The following NKAIN2 variants were observed in gnomAD, a reference collection of about 807,000 sequenced individuals.
NKAIN2 encodes the protein sodium/potassium transporting ATPase interacting 2.
Under a neutral mutation model 32.6 loss-of-function variants are expected in NKAIN2, and 14 were observed. That is an observed-to-expected ratio of 0.43 (90% confidence interval 0.28 to 0.67). The LOEUF is 0.67. NKAIN2 is among the 30% of genes least tolerant of loss of function. The probability of loss-of-function intolerance (pLI) is 0.17; values close to 1 mark genes in which losing one functional copy is unlikely to be tolerated. For missense variants in NKAIN2, 198 were observed against 258.3 expected, an observed-to-expected ratio of 0.77 and a Z score of 1.60; for synonymous variants, 80 against 87.2, an observed-to-expected ratio of 0.92 and a Z score of 0.46.
chr6:123,844,854 A>G (rs1482266889), intron 1 of NKAIN2, among the ~76,000 whole-genome samples: 1 of 152,238 alleles, frequency 6.6e-6, no homozygotes, highest in Non-Finnish European at 1.5e-5. Context: ...TTCATCAAGA[A>G]TTATTTCCAA....
intron 2 of NKAIN2, among the ~76,000 whole-genome samples, chr6:124,332,213 G>A (rs1797688632): frequency 6.6e-6 from 1 of 150,748 alleles, no homozygotes; most frequent in African/African-American, 2.4e-5. Flanking sequence ...GCATATATAT[G>A]TGTGTGTGTG....
At chr6:124,200,326 T>C (rs1472856674) in intron 1 of NKAIN2, among the ~76,000 whole-genome samples, 1 of 152,098 alleles carries the variant, frequency 6.6e-6, no homozygotes, top group East Asian at 1.9e-4. Context: ...TAGACATGCA[T>C]CAGTTTGAGG....
At chr6:123,845,014 A>G (rs1479859586) in intron 1 of NKAIN2, among the ~76,000 whole-genome samples, 6 of 152,198 alleles carry the variant, frequency 3.9e-5, no homozygotes, top group African/African-American at 1.2e-4. Context: ...TTGTTTTAAG[A>G]TGTTAATTGG....
intron 1 of NKAIN2, among the ~76,000 whole-genome samples, chr6:124,159,325 T>C (rs1239814683): frequency 1.3e-5 from 2 of 152,194 alleles, no homozygotes; most frequent in African/African-American, 2.4e-5. Flanking sequence ...GAAAATTATT[T>C]TGATTGCGAT....
At chr6:123,874,719 A>G (rs985189873) in intron 1 of NKAIN2, among the ~76,000 whole-genome samples, 2 of 152,120 alleles carry the variant, frequency 1.3e-5, no homozygotes, top group African/African-American at 4.8e-5. Flanking sequence ...ATTGGCCTAT[A>G]AAATATTTTT....
Position 124,105,405 on chromosome 6 carries a change from T to C in NKAIN2, c.55-177600T>C, listed in dbSNP as rs554541278. Reference sequence around the variant, plus strand: ...AGGAGAGCGCCAGCCTCAGTTTTTGTATTAATGGTGGTGGCAGCCCTGCAG... The same window carrying C: ...AGGAGAGCGCCAGCCTCAGTTTTTGCATTAATGGTGGTGGCAGCCCTGCAG... On this transcript the variant is annotated intron_variant, in intron 1 of 6. Coordinates refer to ENST00000368417, the MANE Select transcript of NKAIN2 (RefSeq NM_001040214.3). 3.9e-5 allele frequency among the ~76,000 whole-genome samples: 6 copies of C among 152,210 alleles called. No homozygotes were observed. In the South Asian group the frequency reaches 1.2e-3, roughly 32 times the overall value.
rs201686423 is a variant in NKAIN2, at chr6:124,110,139, C to CT, written c.55-172852dup. Among the ~76,000 whole-genome samples the CT allele has an allele frequency of 4.8e-3, 646 of 135,494 alleles. 6 individuals carry two copies. The highest frequency in any genetic ancestry group is 0.014 in the African/African-American group (517 of 37,562). The allele number at this position is 135,494 out of a possible 152,430, so 88.9% of individuals were successfully genotyped here. A position where few individuals can be genotyped will look rare whatever the true frequency, so the allele number is the denominator to read the frequency against. Reference sequence around the variant, plus strand: ...GAGTTTGTAAATGTTCCCTCATTTTCTTTTTTTTTTTTTTCCAACAGCACA... The same window carrying CT: ...GAGTTTGTAAATGTTCCCTCATTTTCTTTTTTTTTTTTTTTCCAACAGCACA... On this transcript the variant is annotated intron_variant, in intron 1 of 6. Transcript: ENST00000368417.
chr6:123,988,717 A>C (rs538085314), intron 1 of NKAIN2, among the ~76,000 whole-genome samples: 2 of 152,226 alleles, frequency 1.3e-5, no homozygotes, highest in Non-Finnish European at 2.9e-5. Context: ...TTTCAAGCAT[A>C]AATGGATGAA....
intron 2 of NKAIN2, among the ~76,000 whole-genome samples, chr6:124,346,585 G>A (rs1798434819): frequency 6.6e-6 from 1 of 152,042 alleles, no homozygotes; most frequent in African/African-American, 2.4e-5. Context: ...TTACCATTAT[G>A]TAATGGCCTT....
intron 3 of NKAIN2, among the ~76,000 whole-genome samples, chr6:124,399,879 G>T (rs1404966450): frequency 6.6e-6 from 1 of 152,132 alleles, no homozygotes; most frequent in Non-Finnish European, 1.5e-5. Flanking sequence ...GACGATCAGT[G>T]AATTCATTTA....
chr6:124,070,041 A>C (rs1176149201), intron 1 of NKAIN2, among the ~76,000 whole-genome samples: 1 of 152,196 alleles, frequency 6.6e-6, no homozygotes, highest in Non-Finnish European at 1.5e-5. Context: ...CTTATTAATT[A>C]GTCTCTACAT....
At chr6:124,294,386 A>G (rs1795958297) in intron 2 of NKAIN2, among the ~76,000 whole-genome samples, 1 of 152,154 alleles carries the variant, frequency 6.6e-6, no homozygotes, top group Admixed American at 6.6e-5. Flanking sequence ...ATATCCATTC[A>G]TAGCACACAG....
intron 4 of NKAIN2, among the ~76,000 whole-genome samples, chr6:124,766,973 C>A (rs1778541444): frequency 1.3e-5 from 2 of 152,130 alleles, no homozygotes; most frequent in South Asian, 4.1e-4. Context: ...TGGCTCACTG[C>A]AACCTCTGCC....
At chr6:124,206,733 T>C (rs1790904912) in intron 1 of NKAIN2, among the ~76,000 whole-genome samples, 1 of 151,984 alleles carries the variant, frequency 6.6e-6, no homozygotes, top group East Asian at 1.9e-4. Context: ...CACACTCTTT[T>C]AAAGATGATT....
intron 4 of NKAIN2, among the ~76,000 whole-genome samples, chr6:124,782,440 C>T (rs1779312669): frequency 6.6e-6 from 1 of 151,960 alleles, no homozygotes; most frequent in African/African-American, 2.4e-5. Flanking sequence ...CTATTTAATG[C>T]CAGTTATTTT....
At chr6:123,998,347 A>G (rs184803794) in intron 1 of NKAIN2, among the ~76,000 whole-genome samples, 21 of 152,274 alleles carry the variant, frequency 1.4e-4, no homozygotes, top group Middle Eastern at 3.4e-3. Context: ...ATTTTAAATA[A>G]TAATTATTAA....
At chr6:124,689,575 G>C (rs939456352) in intron 4 of NKAIN2, among the ~76,000 whole-genome samples, 3 of 151,992 alleles carry the variant, frequency 2.0e-5, no homozygotes, top group Admixed American at 6.6e-5. Context: ...TCACCTTCTA[G>C]AAGCTTTATA....
intron 1 of NKAIN2, among the ~76,000 whole-genome samples, chr6:124,180,774 C>T (rs1789402793): frequency 6.6e-6 from 1 of 152,186 alleles, no homozygotes; most frequent in South Asian, 2.1e-4. Flanking sequence ...AGCTCTGCCC[C>T]TGTGGCTTCG....
At chr6:124,292,656 ACATT>A (rs1416611206) in intron 2 of NKAIN2, among the ~76,000 whole-genome samples, 2 of 74,514 alleles carry the variant, frequency 2.7e-5, no homozygotes, top group African/African-American at 7.3e-4. Context: ...AAGGCCTTTT[ACATT>A]GATACATTGA....
Sources: gnomAD v4.1 joint callset for allele counts (sites outside exome capture counted in the v4.1 genomes callset) on GRCh38, gnomAD v4.1.1 for gene constraint, MANE v1.5 for transcripts, NCBI Gene and HGNC (gene_info 2026-07-23, HGNC 2026-07-21) for gene names.